The following CLIC5 variants were observed in gnomAD, a reference collection of about 807,000 sequenced individuals.
CLIC5 encodes CLIC family member 5.
CLIC5 carries 20 observed loss-of-function variants against 24.7 expected under a neutral mutation model. The ratio of observed to expected loss-of-function variants is 0.81; its 90% CI spans 0.57 to 1.18. The LOEUF (loss-of-function observed/expected upper bound fraction) is 1.18, where lower values mean the gene tolerates loss of function less well. Ranked by LOEUF, CLIC5 falls within the 50% of genes most tolerant of loss-of-function variation. The pLI is 0.00. For missense variants in CLIC5, 341 were observed against 326.1 expected, an observed-to-expected ratio of 1.05 and a Z score of -0.35; for synonymous variants, 159 against 135.6, an observed-to-expected ratio of 1.17 and a Z score of -1.20.
chr6:46,021,750 G>T (rs1767191284), intron 1 of CLIC5, among the ~76,000 whole-genome samples: 1 of 152,182 alleles, frequency 6.6e-6, no homozygotes, highest in South Asian at 2.1e-4. Context: ...TATAGGGATG[G>T]AGAGAAGATC....
At chr6:45,965,744 T>C (rs1764996071) in intron 1 of CLIC5, among the ~76,000 whole-genome samples, 1 of 152,200 alleles carries the variant, frequency 6.6e-6, no homozygotes, top group South Asian at 2.1e-4. Flanking sequence ...AGGAAATATG[T>C]TTTCCACTTA....
intron 6 of CLIC5, among the ~76,000 whole-genome samples, chr6:45,892,792 A>T (rs1334603859): frequency 6.6e-6 from 1 of 152,174 alleles, no homozygotes; most frequent in African/African-American, 2.4e-5. Flanking sequence ...TTGCCTTTCC[A>T]TATTCTTTCC....
intron 1 of CLIC5, among the ~76,000 whole-genome samples, chr6:46,040,072 T>G (rs958921513): frequency 6.6e-6 from 1 of 152,178 alleles, no homozygotes; most frequent in Non-Finnish European, 1.5e-5. Context: ...CTATTATACT[T>G]AAAGGATTAG....
chr6:46,016,417 C>G (rs1374459861), upstream of CLIC5, among the ~76,000 whole-genome samples: 1 of 151,936 alleles, frequency 6.6e-6, no homozygotes, highest in Non-Finnish European at 1.5e-5. Context: ...GTGCTGGGGA[C>G]GGGCAGGGCA....
the CLIC5 span, among the ~76,000 whole-genome samples, chr6:46,099,294 G>A: frequency 6.6e-6 from 1 of 152,178 alleles, no homozygotes; most frequent in Non-Finnish European, 1.5e-5. Flanking sequence ...ACCAGACCGA[G>A]TTTTCAGGAA....
At position 45,974,522 on chromosome 6, in the gene CLIC5, T is replaced by TAGAGAG. The variant is rs58729329; in HGVS notation, c.64-19284_64-19279dup. 5.5e-4 allele frequency among the ~76,000 whole-genome samples: 36 copies of TAGAGAG among 66,000 alleles called. 1 individual carries two copies. The highest frequency in any genetic ancestry group is 1.8e-3 in the African/African-American group (29 of 16,018). 43.3% of individuals were successfully genotyped at this position (66,000 alleles called of 152,430 possible). ...GTATATATATATATATATATATATATAGAGAGAGAGAGAGAGAGAGAGAGA... is the reference window on the plus strand; with the variant it reads ...GTATATATATATATATATATATATATAGAGAGAGAGAGAGAGAGAGAGAGAGAGAGA... On this transcript the variant is annotated intron_variant, in intron 1 of 5. Transcript: ENST00000339561.
upstream of CLIC5, chr6:46,080,410 T>C (rs1762895586): frequency 6.6e-6 from 4 of 603,792 alleles, no homozygotes; most frequent in Admixed American, 1.2e-4. Flanking sequence ...TACTGGAGAG[T>C]TTTATAAGCA....
chr6:46,077,124 T>A (rs911103110), intron 1 of CLIC5, among the ~76,000 whole-genome samples: 6 of 152,108 alleles, frequency 3.9e-5, no homozygotes, highest in African/African-American at 9.7e-5. Context: ...ACGAGACTTT[T>A]TTTTTCTTCA....
At chr6:45,983,488 G>T (rs943308012) in intron 1 of CLIC5, among the ~76,000 whole-genome samples, 2 of 152,136 alleles carry the variant, frequency 1.3e-5, no homozygotes, top group African/African-American at 2.4e-5. Flanking sequence ...TTGGAAGAGC[G>T]ATTGTGGCAT....
intron 1 of CLIC5, among the ~76,000 whole-genome samples, chr6:46,059,912 C>A (rs961515383): frequency 6.6e-6 from 1 of 152,168 alleles, no homozygotes; most frequent in Non-Finnish European, 1.5e-5. Context: ...AGAGATTTTC[C>A]TCAATGTTTT....
chr6:45,881,100 A>T (rs1762259335), exon 7 of CLIC5: 1 of 397,936 alleles, frequency 2.5e-6, no homozygotes, highest in South Asian at 1.3e-4. Flanking sequence ...AAAGAATCCC[A>T]TTTTTTTCTT....
At chr6:45,885,257 A>G (rs920231871) in intron 6 of CLIC5, among the ~76,000 whole-genome samples, 8 of 152,236 alleles carry the variant, frequency 5.3e-5, no homozygotes, top group Middle Eastern at 3.4e-3. Context: ...TGTTTCTACC[A>G]TGTGTGGATA....
chr6:46,089,952 T>C, the CLIC5 span, among the ~76,000 whole-genome samples: 1 of 152,220 alleles, frequency 6.6e-6, no homozygotes, highest in Non-Finnish European at 1.5e-5. Flanking sequence ...GACAGTATTT[T>C]TCGTGATTTG....
At chr6:46,092,828 C>T in the CLIC5 span, among the ~76,000 whole-genome samples, 1 of 152,256 alleles carries the variant, frequency 6.6e-6, no homozygotes, top group Admixed American at 6.5e-5. Flanking sequence ...TGCCCTATTA[C>T]TTCCATGTCC....
the CLIC5 span, among the ~76,000 whole-genome samples, chr6:46,090,271 G>C: frequency 6.6e-6 from 1 of 152,164 alleles, no homozygotes; most frequent in African/African-American, 2.4e-5. Context: ...TGAAAACTCT[G>C]AATGTTTTTC....
chr6:46,084,656 T>C (rs968454443), upstream of CLIC5, among the ~76,000 whole-genome samples: 2 of 152,254 alleles, frequency 1.3e-5, no homozygotes, highest in Non-Finnish European at 2.9e-5. Flanking sequence ...GTTAGTCTGA[T>C]GGGCTTCCCT....
chr6:46,024,469 T>C (rs953972040), intron 1 of CLIC5, among the ~76,000 whole-genome samples: 1 of 152,122 alleles, frequency 6.6e-6, no homozygotes, highest in African/African-American at 2.4e-5. Flanking sequence ...TAGGGTATGT[T>C]CCTAGAGCTC....
chr6:46,006,449 CT>C (rs1230344255), intron 1 of CLIC5, among the ~76,000 whole-genome samples: 15 of 151,614 alleles, frequency 9.9e-5, no homozygotes, highest in Non-Finnish European at 2.1e-4. Flanking sequence ...TGGCCCCTAA[CT>C]TACATTTTTA....
At chr6:45,977,957 G>A (rs1036166532) in intron 1 of CLIC5, among the ~76,000 whole-genome samples, 2 of 152,184 alleles carry the variant, frequency 1.3e-5, no homozygotes, top group Non-Finnish European at 2.9e-5. Flanking sequence ...TGCTGCAGTG[G>A]TGGGGTTTTT....
Sources: gnomAD v4.1 joint callset for allele counts (sites outside exome capture counted in the v4.1 genomes callset) on GRCh38, gnomAD v4.1.1 for gene constraint, MANE v1.5 for transcripts, NCBI Gene and HGNC (gene_info 2026-07-23, HGNC 2026-07-21) for gene names.